Variants in MYO3B observed in about 807,000 individuals in gnomAD.
The protein encoded by MYO3B is myosin-IIIb.
Under a neutral mutation model 174.6 loss-of-function variants are expected in MYO3B, and 156 were observed. The ratio of observed to expected loss-of-function variants is 0.89; its 90% CI spans 0.78 to 1.02. The LOEUF is 1.02. Ranked by LOEUF, MYO3B falls within the 50% of genes least tolerant of loss-of-function variation. MYO3B has a pLI of 0.00. For missense variants in MYO3B, 1,632 were observed against 1,639.4 expected, an observed-to-expected ratio of 1.00 and a Z score of 0.08; for synonymous variants, 563 against 569.1, an observed-to-expected ratio of 0.99 and a Z score of 0.15.
intron 7 of MYO3B, among the ~76,000 whole-genome samples, chr2:170,259,869 GC>G (rs2105347470): frequency 1.3e-5 from 2 of 151,398 alleles, no homozygotes; most frequent in African/African-American, 4.8e-5. Flanking sequence ...AATCTAACAA[GC>G]AAAAAACATA....
intron 32 of MYO3B, among the ~76,000 whole-genome samples, chr2:170,639,105 C>T (rs1697759012): frequency 6.6e-6 from 1 of 152,202 alleles, no homozygotes; most frequent in African/African-American, 2.4e-5. Flanking sequence ...ATCTGGTGTC[C>T]CATATCCGCA....
At chr2:170,242,560 C>G (rs552147930) in intron 7 of MYO3B, among the ~76,000 whole-genome samples, 5 of 152,250 alleles carry the variant, frequency 3.3e-5, no homozygotes, top group African/African-American at 1.2e-4. Flanking sequence ...CTGCTTGCTG[C>G]CCCCTGCCTG....
At chr2:170,559,057 A>G (rs537437296) in intron 32 of MYO3B, among the ~76,000 whole-genome samples, 3 of 152,354 alleles carry the variant, frequency 2.0e-5, no homozygotes, top group East Asian at 1.9e-4. Flanking sequence ...CAGAGTTAAT[A>G]TGGCCTAACC....
At chr2:170,599,316 A>C (rs1165472859) in intron 32 of MYO3B, among the ~76,000 whole-genome samples, 2 of 152,204 alleles carry the variant, frequency 1.3e-5, no homozygotes, top group African/African-American at 4.8e-5. Flanking sequence ...AGGTGTATAC[A>C]ATCTGTTTTA....
At chr2:170,242,087 C>A (rs1328484627) in intron 7 of MYO3B, among the ~76,000 whole-genome samples, 1 of 152,134 alleles carries the variant, frequency 6.6e-6, no homozygotes, top group Non-Finnish European at 1.5e-5. Context: ...TGTTTAATGG[C>A]ACAGTGAGGC....
intron 32 of MYO3B, among the ~76,000 whole-genome samples, chr2:170,601,093 C>G (rs1354906607): frequency 6.6e-6 from 1 of 152,094 alleles, no homozygotes; most frequent in Non-Finnish European, 1.5e-5. Flanking sequence ...TCATGTGATT[C>G]AAAATGGGCA....
chr2:170,596,699 G>GC (rs144633125), intron 32 of MYO3B, among the ~76,000 whole-genome samples: 1,992 of 152,204 alleles, frequency 0.013, 19 homozygotes, highest in Non-Finnish European at 0.021. Context: ...ACCTCCCGCT[G>GC]CCCCCCCAGG....
intron 17 of MYO3B, among the ~76,000 whole-genome samples, chr2:170,400,648 C>T (rs368240979): frequency 3.3e-4 from 7 of 21,536 alleles, no homozygotes; most frequent in Non-Finnish European, 8.1e-4. Flanking sequence ...CATGATCCAC[C>T]CCCCCCCCCT....
chr2:170,492,098 G>C (rs1002584502), intron 25 of MYO3B, among the ~76,000 whole-genome samples: 1 of 152,004 alleles, frequency 6.6e-6, no homozygotes, highest in Non-Finnish European at 1.5e-5. Flanking sequence ...TAGAACCAGA[G>C]CTGTGTTAAT....
chr2:170,293,815 T>A (rs1424110043), intron 7 of MYO3B, among the ~76,000 whole-genome samples: 5 of 152,078 alleles, frequency 3.3e-5, no homozygotes, highest in Admixed American at 2.6e-4. Flanking sequence ...CCTTTTTTTT[T>A]TATACTTCTA....
chr2:170,302,152 T>G (rs2093670302), intron 7 of MYO3B, among the ~76,000 whole-genome samples: 2 of 152,118 alleles, frequency 1.3e-5, no homozygotes, highest in South Asian at 4.1e-4. Context: ...GAGGTCTGCA[T>G]GACTTCTGAT....
At chr2:170,407,676 T>A in intron 21 of MYO3B, 39 bp from the exon 22 acceptor site, 7 of 1,607,292 alleles carry the variant, frequency 4.4e-6, no homozygotes, top group Non-Finnish European at 5.9e-6. Flanking sequence ...TGACGGACAG[T>A]TGACTTGGCT....
chr2:170,264,201 C>A (rs1045421918), intron 7 of MYO3B, among the ~76,000 whole-genome samples: 2 of 152,254 alleles, frequency 1.3e-5, no homozygotes, highest in Non-Finnish European at 2.9e-5. Context: ...ATGTCTACTT[C>A]TGTCTACATA....
intron 9 of MYO3B, among the ~76,000 whole-genome samples, chr2:170,372,159 G>GA (rs1487685922): frequency 1.3e-4 from 9 of 69,444 alleles, no homozygotes; most frequent in Non-Finnish European, 2.3e-4. Context: ...CAACAACAAA[G>GA]AAAAAAATCT....
intron 7 of MYO3B, among the ~76,000 whole-genome samples, chr2:170,244,766 T>C (rs2093171421): frequency 6.6e-6 from 1 of 152,222 alleles, no homozygotes; most frequent in African/African-American, 2.4e-5. Flanking sequence ...ACAAGCCATG[T>C]CAGACAATTT....
rs1468899828 is a variant in MYO3B, at chr2:170,378,330, A to C, written c.972-3686A>C. On this transcript the variant is annotated intron_variant, in intron 9 of 34. Transcript: ENST00000408978. ...GGCAGAAATAGTGCTACACATATATATATTTTTTCTGGTTGAGAAAACGAA... is the reference window on the plus strand; with the variant it reads ...GGCAGAAATAGTGCTACACATATATCTATTTTTTCTGGTTGAGAAAACGAA... Among the ~76,000 whole-genome samples the C allele has an allele frequency of 1.3e-5, 2 of 152,124 alleles. 1 individual carries two copies. The highest frequency in any genetic ancestry group is 4.2e-4 in the South Asian group (2 of 4,814).
At chr2:170,512,422 A>T (rs1688039583) in intron 28 of MYO3B, among the ~76,000 whole-genome samples, 1 of 152,192 alleles carries the variant, frequency 6.6e-6, no homozygotes, top group Non-Finnish European at 1.5e-5. Flanking sequence ...TGCCAGCAGC[A>T]GTTAGGAGGG....
chr2:170,438,844 A>C (rs2094776855), intron 22 of MYO3B, among the ~76,000 whole-genome samples: 1 of 151,988 alleles, frequency 6.6e-6, no homozygotes. Context: ...CATATTGGCC[A>C]GGCTGGTCTC....
At chr2:170,401,290 G>C (rs544051742) in intron 17 of MYO3B, among the ~76,000 whole-genome samples, 191 bp from the exon 18 acceptor site, 6 of 152,046 alleles carry the variant, frequency 3.9e-5, no homozygotes, top group Non-Finnish European at 5.9e-5. Flanking sequence ...TGAAGTAAGA[G>C]CTTTCAGAAC....
Sources: gnomAD v4.1 joint callset for allele counts (sites outside exome capture counted in the v4.1 genomes callset) on GRCh38, gnomAD v4.1.1 for gene constraint, MANE v1.5 for transcripts, NCBI Gene and HGNC (gene_info 2026-07-23, HGNC 2026-07-21) for gene names.